ARHGAP32: variants seen among roughly 807,000 people sequenced by gnomAD.
ARHGAP32 encodes Rho GTPase activating protein 32.
In ARHGAP32, 51 loss-of-function variants were observed where a neutral mutation model predicts 186.5. The observed-to-expected ratio is 0.27, with a 90% CI of 0.22 to 0.35. ARHGAP32 has a LOEUF of 0.35. Ranked by LOEUF, ARHGAP32 falls within the 10% of genes least tolerant of loss-of-function variation. ARHGAP32 has a pLI of 1.00. For missense variants in ARHGAP32, 2,186 were observed against 2,623.5 expected, an observed-to-expected ratio of 0.83 and a Z score of 3.64; for synonymous variants, 950 against 964.3, an observed-to-expected ratio of 0.99 and a Z score of 0.27.
At chr11:129,060,001 T>C (rs984422006) in intron 10 of ARHGAP32, among the ~76,000 whole-genome samples, 1 of 152,238 alleles carries the variant, frequency 6.6e-6, no homozygotes, top group Non-Finnish European at 1.5e-5. Flanking sequence ...AATCAATCTT[T>C]GAAGTTAGAA....
intron 1 of ARHGAP32, among the ~76,000 whole-genome samples, chr11:129,202,427 G>A (rs1160754919): frequency 6.6e-6 from 1 of 151,742 alleles, no homozygotes; most frequent in Non-Finnish European, 1.5e-5. Context: ...CCAGGAATAG[G>A]AAATATAAGT....
At chr11:128,989,194 C>G (rs1162832284) in intron 12 of ARHGAP32, among the ~76,000 whole-genome samples, 5 of 152,190 alleles carry the variant, frequency 3.3e-5, no homozygotes, top group South Asian at 4.2e-4. Context: ...TGCAATCCAT[C>G]TTTAAATTCT....
At chr11:129,138,568 T>A (rs944281549) in intron 2 of ARHGAP32, among the ~76,000 whole-genome samples, 1 of 152,118 alleles carries the variant, frequency 6.6e-6, no homozygotes, top group South Asian at 2.1e-4. Context: ...TAGCTTGTTA[T>A]CTTGGTCCCA....
At chr11:128,986,500 G>C (rs199628311) in intron 14 of ARHGAP32, 24 bp downstream of exon 14, 2 of 1,612,126 alleles carry the variant, frequency 1.2e-6, no homozygotes, top group Non-Finnish European at 8.5e-7. Context: ...CAAAGAATTA[G>C]ATTCAAAAGT....
In ARHGAP32 at chr11:129,123,503, C is replaced by T. The variant is rs771908494; in HGVS notation, c.387G>A (p.Pro129=). ...GGAAATGCGCACATTCAGCCATCTT[C>T]GGAAAGTGACCTTTAGTGAAGGGTA... ...HRLPFTKGHF[P]KMAECAHFHY... The change falls in exon 5 of 23, where the codon CCG becomes CCA. Residue 129 remains proline, a synonymous_variant. Coordinates refer to ENST00000682385, the MANE Select transcript of ARHGAP32 (RefSeq NM_001378024.1). This position sits in a 1 kb window ranked among gnomAD's most constrained non-coding sequence, Gnocchi z 4.6. The T allele has an allele frequency of 8.7e-6, 14 of 1,612,558 alleles. No homozygotes were observed. Among genetic ancestry groups the T allele is most frequent in the Admixed American group, 3.3e-5 (2 of 59,898 alleles).
Position 128,980,630 on chromosome 11 carries a change from A to C in ARHGAP32, c.1899T>G (p.Asn633Lys). Residue 633 changes from asparagine (N) to lysine (K), a missense_variant, in exon 18 of 23, where the codon AAT becomes AAG. Physicochemically the swap from Asn to Lys is moderately conservative, Grantham distance 94 (BLOSUM62 0). Around this residue, in one of 5 missense-constraint regions of ARHGAP32, gnomAD observed 263 missense variants for 323.5 expected, o/e 0.81. Transcript: ENST00000682385. ...AQVNSPIVTE[N>K]KYIEVGEGPA... Reference sequence around the variant, plus strand: ...GTCCTTCTCCTACTTCGATATATTTATTTTCCGTCACAATTGGAGAATTGA... The same window carrying C: ...GTCCTTCTCCTACTTCGATATATTTCTTTTCCGTCACAATTGGAGAATTGA... 1 of 1,613,944 alleles carries C rather than the reference A, an allele frequency of 6.2e-7. No individual in the cohort carries two copies. The highest frequency in any genetic ancestry group is 8.5e-7 in the Non-Finnish European group (1 of 1,179,910).
chr11:129,010,723 A>G (rs1298483435), intron 11 of ARHGAP32, among the ~76,000 whole-genome samples: 2 of 152,164 alleles, frequency 1.3e-5, no homozygotes, highest in Non-Finnish European at 2.9e-5. Flanking sequence ...GATTCTTTTG[A>G]ATTTCATGGA....
In ARHGAP32 at chr11:129,108,204, T is replaced by G. The variant is rs532790240; in HGVS notation, c.445-14497A>C. Among the ~76,000 whole-genome samples, 10 of 152,236 alleles carry G rather than the reference T, an allele frequency of 6.6e-5. 1 individual carries two copies. The East Asian group carries it at 1.9e-3, about 29-fold the overall frequency. On this transcript the variant is annotated intron_variant, in intron 5 of 22. Transcript: ENST00000682385. ...AAACTCTACAATCATAAGGCAGAGA[T>G]GGAGAACAGATTAAAAATAGACACA...
intron 1 of ARHGAP32, among the ~76,000 whole-genome samples, chr11:129,197,853 T>C (rs1944411867): frequency 6.6e-6 from 1 of 152,210 alleles, no homozygotes; most frequent in Non-Finnish European, 1.5e-5. Context: ...AAACAACTCT[T>C]TCCTTCTTTA....
chr11:129,218,233 GAACATAAGACA>G, intron 1 of ARHGAP32, among the ~76,000 whole-genome samples: 1 of 152,106 alleles, frequency 6.6e-6, no homozygotes, highest in Non-Finnish European at 1.5e-5. Context: ...CTGATCCTGA[GAACATAAGACA>G]AACTTATCGA....
chr11:129,244,212 G>C (rs1163236013), intron 1 of ARHGAP32, among the ~76,000 whole-genome samples: 1 of 152,146 alleles, frequency 6.6e-6, no homozygotes, highest in Non-Finnish European at 1.5e-5. Context: ...AGAAAACTGA[G>C]TCAGAGTGAG....
At chr11:129,276,714 T>C (rs574925130) in intron 1 of ARHGAP32, among the ~76,000 whole-genome samples, 10 of 152,350 alleles carry the variant, frequency 6.6e-5, no homozygotes, top group Non-Finnish European at 1.3e-4. Context: ...ATGACAATAC[T>C]TTACATATTT....
chr11:128,977,055 T>G (rs1945567205), intron 19 of ARHGAP32, among the ~76,000 whole-genome samples: 1 of 152,148 alleles, frequency 6.6e-6, no homozygotes, highest in Non-Finnish European at 1.5e-5. Context: ...AGGCAAAGAT[T>G]GGAGGGATGC....
intron 1 of ARHGAP32, among the ~76,000 whole-genome samples, chr11:129,189,190 C>CATT (rs1309321720): frequency 5.9e-5 from 9 of 152,134 alleles, no homozygotes; most frequent in African/African-American, 2.2e-4. Flanking sequence ...TAGCATTTAG[C>CATT]AGAAGATAGC....
chr11:128,998,491 G>C (rs757361939), intron 11 of ARHGAP32, 23 bp from the exon 12 acceptor site: 2 of 1,509,230 alleles, frequency 1.3e-6, no homozygotes, highest in Non-Finnish European at 1.8e-6. Flanking sequence ...AAAGAGAAAA[G>C]ATCTTAGTTG....
At chr11:129,076,500 A>C (rs1437679896) in intron 6 of ARHGAP32, among the ~76,000 whole-genome samples, 1 of 152,252 alleles carries the variant, frequency 6.6e-6, no homozygotes, top group Non-Finnish European at 1.5e-5. Context: ...AAGGAATTAA[A>C]CTATTAGTCA....
At chr11:129,269,556 G>A (rs532077439) in intron 1 of ARHGAP32, among the ~76,000 whole-genome samples, 23 of 152,004 alleles carry the variant, frequency 1.5e-4, no homozygotes, top group African/African-American at 4.1e-4. Context: ...GAGAGACTTC[G>A]TCTCTACAAA....
intron 6 of ARHGAP32, among the ~76,000 whole-genome samples, chr11:129,086,624 A>T (rs1333557482): frequency 6.6e-6 from 1 of 152,136 alleles, no homozygotes; most frequent in African/African-American, 2.4e-5. Context: ...GATCGAGACC[A>T]TCCCGGCTAG....
chr11:129,143,096 T>C (rs904350970), intron 2 of ARHGAP32, among the ~76,000 whole-genome samples: 1 of 149,208 alleles, frequency 6.7e-6, no homozygotes, highest in Non-Finnish European at 1.5e-5. Flanking sequence ...TATAATCAAC[T>C]GAATAAACGA....
Sources: allele counts gnomAD v4.1 joint callset (sites outside exome capture counted in the v4.1 genomes callset), GRCh38; gene constraint gnomAD v4.1.1; regional missense constraint gnomAD v4.1.1; non-coding constraint Gnocchi (gnomAD v3.1); transcripts MANE v1.5; gene names NCBI Gene and HGNC (gene_info 2026-07-23, HGNC 2026-07-21).